Variants in FRAS1 observed in about 807,000 individuals in gnomAD.
FRAS1 encodes Fraser extracellular matrix complex subunit 1.
A neutral mutation model predicts 435.2 loss-of-function variants in FRAS1; 290 were observed. The ratio of observed to expected loss-of-function variants is 0.67; its 90% CI spans 0.61 to 0.73. The LOEUF is 0.73. Among genes scored for constraint, FRAS1 ranks in the 30% least tolerant of loss-of-function variants. FRAS1 has a pLI of 0.00. For synonymous variants in FRAS1, 1,800 were observed against 1,851.0 expected, an observed-to-expected ratio of 0.97 and a Z score of 0.71; for missense variants, 4,860 against 5,001.5, an observed-to-expected ratio of 0.97 and a Z score of 0.85.
intron 2 of FRAS1, among the ~76,000 whole-genome samples, chr4:78,084,214 T>A (rs915702837): frequency 6.6e-6 from 1 of 152,150 alleles, no homozygotes; most frequent in African/African-American, 2.4e-5. Context: ...TTCACATAAC[T>A]TTTATTACAG....
chr4:78,521,644 C>T lies in FRAS1; in HGVS notation c.10648+14C>T, dbSNP rs745636216. On this transcript the variant is annotated intron_variant, in intron 68 of 73. Coordinates refer to ENST00000512123, the MANE Select transcript of FRAS1 (RefSeq NM_025074.7). ...CCAAATTCAGAGGTAATATCAATGC[C>T]GTTTTTTTTTTCCAACTTTTTATTA... 20 of 1,500,868 alleles carry T rather than the reference C, an allele frequency of 1.3e-5. No homozygotes were observed. Among genetic ancestry groups the T allele is most frequent in the African/African-American group, 6.9e-5 (4 of 57,934 alleles). The allele number at this position is 1,500,868 out of a possible 1,614,324, so 93.0% of individuals were successfully genotyped here.
intron 2 of FRAS1, among the ~76,000 whole-genome samples, chr4:78,167,284 C>T (rs2062963331): frequency 6.6e-6 from 1 of 152,144 alleles, no homozygotes; most frequent in Non-Finnish European, 1.5e-5. Context: ...TAAAACGATT[C>T]CTACTTCTGG....
At chr4:78,180,647 A>G (rs1175916626) in intron 2 of FRAS1, among the ~76,000 whole-genome samples, 8 of 152,238 alleles carry the variant, frequency 5.3e-5, no homozygotes, top group African/African-American at 1.9e-4. Context: ...CATCCCTGCT[A>G]CCAATACATT....
intron 14 of FRAS1, among the ~76,000 whole-genome samples, chr4:78,302,781 C>T (rs139677809): frequency 0.014 from 2,068 of 152,054 alleles, 50 homozygotes; most frequent in African/African-American, 0.047. Context: ...GAGTAGGCTG[C>T]GAAAATCTTC....
intron 14 of FRAS1, among the ~76,000 whole-genome samples, chr4:78,288,880 C>T (rs1409681728): frequency 6.6e-6 from 1 of 152,194 alleles, no homozygotes; most frequent in Admixed American, 6.5e-5. Context: ...GGAAGTCAGT[C>T]ACTCAGCTGG....
intron 2 of FRAS1, among the ~76,000 whole-genome samples, chr4:78,217,471 C>T (rs184024722): frequency 3.8e-3 from 581 of 152,156 alleles, no homozygotes; most frequent in Non-Finnish European, 6.2e-3. Flanking sequence ...AGCTTCAGCC[C>T]AGCTAAGAGG....
intron 22 of FRAS1, among the ~76,000 whole-genome samples, chr4:78,369,289 C>T (rs1404927852): frequency 6.6e-6 from 1 of 152,162 alleles, no homozygotes; most frequent in Admixed American, 6.5e-5. Flanking sequence ...AAGATGGAAG[C>T]ATGACCAGAT....
intron 25 of FRAS1, among the ~76,000 whole-genome samples, chr4:78,375,264 G>A (rs1731710252): frequency 6.6e-6 from 1 of 152,176 alleles, no homozygotes; most frequent in Non-Finnish European, 1.5e-5. Context: ...CCCTTCCTGT[G>A]TACCAGGCAC....
intron 2 of FRAS1, among the ~76,000 whole-genome samples, chr4:78,171,385 G>C (rs1243073518): frequency 6.6e-6 from 1 of 152,048 alleles, no homozygotes; most frequent in East Asian, 1.9e-4. Flanking sequence ...GCCTCTTTAT[G>C]TGTTTTACAT....
chr4:78,235,468 A>G (rs1724712408), intron 2 of FRAS1, among the ~76,000 whole-genome samples: 1 of 152,192 alleles, frequency 6.6e-6, no homozygotes, highest in African/African-American at 2.4e-5. Context: ...GACTCCAACT[A>G]CTTGTTGACT....
At chr4:78,515,082 A>AAAT (rs1721164484) in intron 65 of FRAS1, among the ~76,000 whole-genome samples, 2 of 150,780 alleles carry the variant, frequency 1.3e-5, no homozygotes, top group African/African-American at 4.9e-5. Flanking sequence ...AAAAAAAAAA[A>AAAT]TTTAACCCTC....
intron 22 of FRAS1, among the ~76,000 whole-genome samples, chr4:78,364,823 T>C (rs1003989183): frequency 6.6e-6 from 1 of 152,216 alleles, no homozygotes; most frequent in African/African-American, 2.4e-5. Context: ...AATATAGTGG[T>C]AGTATTTCAG....
intron 18 of FRAS1, among the ~76,000 whole-genome samples, chr4:78,329,129 G>T (rs1416745348): frequency 6.6e-6 from 1 of 152,158 alleles, no homozygotes; most frequent in Non-Finnish European, 1.5e-5. Flanking sequence ...CCTCCAACCT[G>T]ACTGTTCCCA....
intron 68 of FRAS1, 57 bp from the exon 69 acceptor site, chr4:78,522,592 G>A (rs2109895344): frequency 1.4e-6 from 2 of 1,441,404 alleles, no homozygotes; most frequent in South Asian, 2.5e-5. Flanking sequence ...ACCAGGTACA[G>A]TCAAACTAAA....
At chr4:78,305,353 A>G (rs1450572296) in intron 14 of FRAS1, among the ~76,000 whole-genome samples, 2 of 151,118 alleles carry the variant, frequency 1.3e-5, no homozygotes, top group Admixed American at 6.6e-5. Context: ...TTTGGGGTGG[A>G]GAGTTCTGTA....
chr4:78,344,830 C>T (rs992084233), intron 20 of FRAS1, among the ~76,000 whole-genome samples: 13 of 152,180 alleles, frequency 8.5e-5, no homozygotes, highest in African/African-American at 3.1e-4. Context: ...TTAATGCATA[C>T]TACATTTTAA....
chr4:78,112,256 C>G (rs1205533303), intron 2 of FRAS1, among the ~76,000 whole-genome samples: 5 of 152,026 alleles, frequency 3.3e-5, no homozygotes, highest in Admixed American at 2.6e-4. Flanking sequence ...ATGTCAAAAG[C>G]TAGCTGAAAA....
chr4:78,365,435 A>C (rs1731224047), intron 22 of FRAS1, among the ~76,000 whole-genome samples: 1 of 152,190 alleles, frequency 6.6e-6, no homozygotes, highest in Non-Finnish European at 1.5e-5. Flanking sequence ...ATAGTGACTT[A>C]GATTTATTAG....
chr4:78,145,626 C>T (rs1178601725), intron 2 of FRAS1, among the ~76,000 whole-genome samples: 2 of 152,084 alleles, frequency 1.3e-5, no homozygotes, highest in African/African-American at 4.8e-5. Flanking sequence ...TCAGCAAACA[C>T]AATTTATAAA....
Sources: gnomAD v4.1 joint callset for allele counts (sites outside exome capture counted in the v4.1 genomes callset) on GRCh38, gnomAD v4.1.1 for gene constraint, MANE v1.5 for transcripts, NCBI Gene and HGNC (gene_info 2026-07-23, HGNC 2026-07-21) for gene names.